PTPRT: variants seen among roughly 807,000 people sequenced by gnomAD.
PTPRT encodes the protein protein tyrosine phosphatase receptor type T, also known as receptor-type tyrosine-protein phosphatase T.
PTPRT carries 56 observed loss-of-function variants against 176.8 expected under a neutral mutation model. The ratio of observed to expected loss-of-function variants is 0.32; its 90% confidence interval spans 0.26 to 0.40. The LOEUF is 0.40. Among genes scored for constraint, PTPRT ranks in the 10% least tolerant of loss-of-function variants. The probability of loss-of-function intolerance (pLI) is 1.00; values close to 1 mark genes in which losing one functional copy is unlikely to be tolerated. For synonymous variants in PTPRT, 783 were observed against 739.0 expected, an observed-to-expected ratio of 1.06 and a Z score of -0.96; for missense variants, 1,540 against 1,908.2, an observed-to-expected ratio of 0.81 and a Z score of 3.60.
intron 1 of PTPRT, among the ~76,000 whole-genome samples, chr20:43,020,854 T>C (rs1985642131): frequency 6.6e-6 from 1 of 152,206 alleles, no homozygotes; most frequent in Admixed American, 6.5e-5. Flanking sequence ...AGAAAGATCC[T>C]ATTAAGGATG....
chr20:43,030,681 G>C (rs748820468), intron 1 of PTPRT, among the ~76,000 whole-genome samples: 6 of 152,178 alleles, frequency 3.9e-5, no homozygotes, highest in Non-Finnish European at 7.3e-5. Context: ...AGCCTTGGGG[G>C]TTATGGAGGA....
chr20:43,096,369 G>C (rs1031830849), intron 1 of PTPRT, among the ~76,000 whole-genome samples: 1 of 152,162 alleles, frequency 6.6e-6, no homozygotes, highest in East Asian at 1.9e-4. Context: ...CCTTTCTTAG[G>C]AGAGCCCAGC....
At chr20:42,559,424 C>A (rs1164037423) in intron 7 of PTPRT, among the ~76,000 whole-genome samples, 1 of 152,162 alleles carries the variant, frequency 6.6e-6, no homozygotes, top group Admixed American at 6.5e-5. Context: ...ACTAGGTGAG[C>A]AGCAAACCTG....
intron 9 of PTPRT, among the ~76,000 whole-genome samples, chr20:42,430,747 C>T (rs1274160485): frequency 6.6e-6 from 1 of 152,160 alleles, no homozygotes; most frequent in African/African-American, 2.4e-5. Context: ...AAGAGTGTCT[C>T]CAGCAAGTCC....
At chr20:42,690,544 T>C (rs529605876) in intron 6 of PTPRT, among the ~76,000 whole-genome samples, 30 of 152,132 alleles carry the variant, frequency 2.0e-4, no homozygotes, top group Non-Finnish European at 4.0e-4. Flanking sequence ...GTGTTCAACA[T>C]GCTGGGTGAG....
At chr20:42,776,165 G>A (rs2077132509) in intron 4 of PTPRT, among the ~76,000 whole-genome samples, 1 of 152,144 alleles carries the variant, frequency 6.6e-6, no homozygotes, top group South Asian at 2.1e-4. Context: ...GAGACCAGTT[G>A]GCTCTGCCTC....
chr20:42,808,784 C>T (rs6030482), intron 2 of PTPRT, among the ~76,000 whole-genome samples: 3,531 of 152,258 alleles, frequency 0.023, 133 homozygotes, highest in African/African-American at 0.076. Flanking sequence ...CAGGAAATCC[C>T]TAAGTATAAG....
intron 1 of PTPRT, among the ~76,000 whole-genome samples, chr20:43,124,731 A>C (rs2013380248): frequency 6.6e-6 from 1 of 152,166 alleles, no homozygotes; most frequent in Non-Finnish European, 1.5e-5. Flanking sequence ...GAAAACAAAG[A>C]TACAGTCACC....
intron 26 of PTPRT, among the ~76,000 whole-genome samples, chr20:42,101,085 G>A (rs1985890016): frequency 6.6e-6 from 1 of 152,232 alleles, no homozygotes; most frequent in South Asian, 2.1e-4. Flanking sequence ...AGATAGGAGG[G>A]CCACATGGGC....
chr20:43,061,683 T>G (rs1987468860), intron 1 of PTPRT, among the ~76,000 whole-genome samples: 1 of 152,198 alleles, frequency 6.6e-6, no homozygotes, highest in African/African-American at 2.4e-5. Flanking sequence ...TTCACTCCTT[T>G]AGCCTCCACA....
intron 1 of PTPRT, among the ~76,000 whole-genome samples, chr20:43,086,601 A>C (rs910210962): frequency 1.3e-4 from 20 of 152,234 alleles, no homozygotes; most frequent in Non-Finnish European, 1.6e-4. Context: ...ACTAATTTTC[A>C]AAAGACCAAA....
intron 1 of PTPRT, among the ~76,000 whole-genome samples, chr20:42,928,891 G>A (rs768158298): frequency 1.5e-4 from 23 of 152,174 alleles, no homozygotes; most frequent in Non-Finnish European, 3.2e-4. Flanking sequence ...GACCCTGTCA[G>A]TCCCATCTTT....
intron 1 of PTPRT, among the ~76,000 whole-genome samples, chr20:43,025,083 C>T (rs1323766587): frequency 6.6e-6 from 1 of 152,208 alleles, no homozygotes; most frequent in African/African-American, 2.4e-5. Flanking sequence ...GTCCCAGAAG[C>T]TTTGTTGGTG....
At chr20:42,369,229 T>C (rs1016399341) in intron 9 of PTPRT, among the ~76,000 whole-genome samples, 1 of 152,102 alleles carries the variant, frequency 6.6e-6, no homozygotes, top group Admixed American at 6.6e-5. Context: ...TCCAGAGTAA[T>C]TGGGACTACA....
intron 27 of PTPRT, among the ~76,000 whole-genome samples, chr20:42,088,520 GTC>G (rs72066562): frequency 0.12 from 18,353 of 152,142 alleles, 2,889 homozygotes; most frequent in African/African-American, 0.37. Context: ...GGAAACTCAT[GTC>G]TCCCACCTTC....
intron 2 of PTPRT, among the ~76,000 whole-genome samples, chr20:42,841,468 T>G (rs1366557826): frequency 6.6e-6 from 1 of 152,126 alleles, no homozygotes; most frequent in African/African-American, 2.4e-5. Context: ...CCTAGTGAGA[T>G]CTGGGGCAAC....
At chr20:42,614,937 A>T (rs55636041) in intron 7 of PTPRT, among the ~76,000 whole-genome samples, 2,063 of 123,450 alleles carry the variant, frequency 0.017, 21 homozygotes, top group Non-Finnish European at 0.024. Context: ...TTTTTTTTCT[A>T]TTTTTTTTTT....
intron 18 of PTPRT, among the ~76,000 whole-genome samples, chr20:42,137,371 G>T (rs1393966225): frequency 6.6e-6 from 1 of 152,120 alleles, no homozygotes; most frequent in East Asian, 1.9e-4. Flanking sequence ...AGGAGTGAGG[G>T]TCCTCTCTGC....
intron 2 of PTPRT, among the ~76,000 whole-genome samples, chr20:42,830,879 C>G (rs187996459): frequency 1.4e-3 from 208 of 152,092 alleles, no homozygotes; most frequent in African/African-American, 4.6e-3. Flanking sequence ...AAACACTGCT[C>G]GAATAAATCA....
Sources: gnomAD v4.1 joint callset for allele counts (sites outside exome capture counted in the v4.1 genomes callset) on GRCh38, gnomAD v4.1.1 for gene constraint, MANE v1.5 for transcripts, NCBI Gene and HGNC (gene_info 2026-07-23, HGNC 2026-07-21) for gene names.